CFAP47: variants seen among roughly 807,000 people sequenced by gnomAD.
CFAP47 encodes cilia- and flagella-associated protein 47.
A neutral mutation model predicts 148.1 loss-of-function variants in CFAP47; 29 were observed. The ratio of observed to expected loss-of-function variants is 0.20; its 90% CI spans 0.15 to 0.27. CFAP47 has a LOEUF of 0.27. CFAP47 is among the 10% of genes least tolerant of loss of function. CFAP47 has a pLI of 1.00. For synonymous variants in CFAP47, 664 were observed against 577.3 expected (o/e 1.15, Z -2.15); for missense variants, 1,872 against 1,697.5 (o/e 1.10, Z -1.81).
intron 2 of CFAP47, among the ~76,000 whole-genome samples, chrX:35,932,070 G>A (rs1021934022): frequency 1.0e-5 from 1 of 96,194 alleles, no homozygotes; most frequent in Non-Finnish European, 2.0e-5. Context: ...CTTTTTTGAG[G>A]CAGGGTCTTC....
chrX:36,338,179 G>A (rs1191045773), intron 57 of CFAP47, among the ~76,000 whole-genome samples: 3 of 107,648 alleles, frequency 2.8e-5, no homozygotes, highest in Non-Finnish European at 5.7e-5. Flanking sequence ...GAGCCACCGT[G>A]CCCAGCCTTC....
chrX:36,384,888 A>G lies in CFAP47; in HGVS notation c.9446A>G (p.His3149Arg). The change falls in exon 64 of 64, where the codon CAC becomes CGC. Residue 3149 changes from histidine (H) to arginine (R), a missense_variant. His to Arg is a conservative substitution (Grantham distance 29). Transcript: ENST00000378653. ...GCAAAAGCCAAAATTGATGCTACTC[A>G]CAAGACACATGACAACATGCCAGTC... is the stretch of plus-strand genomic sequence containing the variant. ...KNAKAKIDAT[H>R]KTHDNMPVRP... The G allele has an allele frequency of 8.6e-7, 1 of 1,166,531 alleles. No homozygotes were observed. The highest frequency in any genetic ancestry group is 1.1e-6 in the Non-Finnish European group (1 of 871,700).
intron 29 of CFAP47, among the ~76,000 whole-genome samples, chrX:36,079,879 C>T (rs1937939866): frequency 8.9e-6 from 1 of 111,747 alleles, no homozygotes; most frequent in African/African-American, 3.3e-5. Context: ...GCAAGGACTT[C>T]ATGTCTAAAA....
At chrX:35,982,517 A>G (rs1396244932) in intron 15 of CFAP47, among the ~76,000 whole-genome samples, 1 of 111,188 alleles carries the variant, frequency 9.0e-6, no homozygotes, top group African/African-American at 3.3e-5. Context: ...TGGTGTCTTC[A>G]TCATGAAATC....
intron 22 of CFAP47, among the ~76,000 whole-genome samples, chrX:36,015,931 A>AT (rs748792175): frequency 4.5e-5 from 5 of 111,249 alleles, no homozygotes; most frequent in African/African-American, 1.6e-4. Flanking sequence ...TTGTTAATGT[A>AT]TTTTTTTAAT....
intron 62 of CFAP47, among the ~76,000 whole-genome samples, chrX:36,378,018 G>A (rs782407236): frequency 8.9e-6 from 1 of 111,869 alleles, no homozygotes; most frequent in African/African-American, 3.2e-5. Context: ...TTGCTGAATA[G>A]ATCAGTGAGT....
At chrX:35,961,233 G>A (rs145231548) in intron 8 of CFAP47, among the ~76,000 whole-genome samples, 1,910 of 111,843 alleles carry the variant, frequency 0.017, 44 homozygotes, top group African/African-American at 0.059. Flanking sequence ...CAGTTTGATC[G>A]TATTTAGTTG....
chrX:36,294,537 C>T (rs1556006087), intron 51 of CFAP47, among the ~76,000 whole-genome samples: 1 of 109,736 alleles, frequency 9.1e-6, no homozygotes, highest in African/African-American at 3.3e-5. Context: ...GGTGAAACCC[C>T]GTCTCTACTA....
chrX:36,194,215 CAG>C (rs1555986920), intron 42 of CFAP47, among the ~76,000 whole-genome samples: 1 of 111,568 alleles, frequency 9.0e-6, no homozygotes, highest in Non-Finnish European at 1.9e-5. Flanking sequence ...ATTTTCTAGG[CAG>C]AGAGAGAGTG....
chrX:36,149,923 A>G (rs1196120003), intron 37 of CFAP47, among the ~76,000 whole-genome samples: 1 of 110,257 alleles, frequency 9.1e-6, no homozygotes, highest in Non-Finnish European at 1.9e-5. Flanking sequence ...TATATTTTAT[A>G]TATAGTTTTT....
At chrX:36,196,299 A>T (rs1369574495) in intron 42 of CFAP47, among the ~76,000 whole-genome samples, 1 of 111,853 alleles carries the variant, frequency 8.9e-6, no homozygotes, top group African/African-American at 3.2e-5. Context: ...GGAATTTAAC[A>T]TTTCGAATTT....
chrX:36,191,845 T>C (rs1400034020), intron 42 of CFAP47, among the ~76,000 whole-genome samples: 1 of 110,313 alleles, frequency 9.1e-6, no homozygotes, highest in African/African-American at 3.3e-5. Context: ...CAGCTGGGCA[T>C]AGTGGCACGC....
intron 39 of CFAP47, among the ~76,000 whole-genome samples, chrX:36,166,067 C>T (rs902354927): frequency 1.8e-5 from 2 of 111,514 alleles, no homozygotes. Flanking sequence ...TTTTAACCTT[C>T]CTACTTATTA....
chrX:35,953,392 C>T (rs185442023), intron 6 of CFAP47, among the ~76,000 whole-genome samples, 200 bp from the exon 7 acceptor site: 3 of 111,911 alleles, frequency 2.7e-5, no homozygotes, highest in Non-Finnish European at 3.8e-5. Flanking sequence ...TCATTTTTCT[C>T]AGCTTTATAC....
chrX:36,190,112 G>A lies in CFAP47; in HGVS notation c.6237G>A (p.Val2079=). The A allele has an allele frequency of 3.4e-6, 1 of 298,115 alleles. No homozygotes were observed. Among genetic ancestry groups the A allele is most frequent in the Non-Finnish European group, 5.9e-6 (1 of 170,295 alleles). The allele number at this position is 298,115 out of a possible 1,213,427, so 24.6% of individuals were successfully genotyped here. The change falls in exon 42 of 64, where the codon GTG becomes GTA. Residue 2079 remains valine (V), a synonymous_variant. Transcript: ENST00000378653. ...CCATGCATACTGTTCACCTGGGAGT[G>A]AAAGGAACTTCAAGCCTAGAGCTCC... The part of the protein sequence containing the change: ...FCSMHTVHLG[V]KGTSSLELRF...
At chrX:35,975,646 AT>A in intron 14 of CFAP47, 25 bp from the exon 15 acceptor site, 1 of 1,202,617 alleles carries the variant, frequency 8.3e-7, no homozygotes, top group Non-Finnish European at 1.1e-6. Context: ...TATCAGTTAA[AT>A]TTGGATGCTT....
chrX:35,934,636 C>T (rs1050199727), intron 2 of CFAP47, among the ~76,000 whole-genome samples: 2 of 111,078 alleles, frequency 1.8e-5, no homozygotes, highest in African/African-American at 6.6e-5. Flanking sequence ...AGGAGTCTTG[C>T]CCTGTAGCCA....
intron 30 of CFAP47, among the ~76,000 whole-genome samples, chrX:36,090,019 A>G (rs1051838336): frequency 6.3e-4 from 70 of 111,847 alleles, no homozygotes; most frequent in African/African-American, 2.2e-3. Flanking sequence ...TATCACTATC[A>G]CTGAAATGGA....
chrX:36,146,761 GAGA>G (rs1428579750), intron 36 of CFAP47, among the ~76,000 whole-genome samples: 1 of 107,503 alleles, frequency 9.3e-6, no homozygotes, highest in Admixed American at 9.9e-5. Flanking sequence ...CTACAAAATT[GAGA>G]AAGTATTTCT....
Sources: gnomAD v4.1 joint callset for allele counts (sites outside exome capture counted in the v4.1 genomes callset) on GRCh38, gnomAD v4.1.1 for gene constraint, MANE v1.5 for transcripts, NCBI Gene and HGNC (gene_info 2026-07-23, HGNC 2026-07-21) for gene names.